LRRC49: variants seen among roughly 807,000 people sequenced by gnomAD.
LRRC49 encodes leucine rich repeat containing 49.
Under a neutral mutation model 83.3 loss-of-function variants are expected in LRRC49, and 50 were observed. The ratio of observed to expected loss-of-function variants is 0.60; its 90% confidence interval spans 0.48 to 0.76. The LOEUF (loss-of-function observed/expected upper bound fraction) is 0.76, where lower values mean the gene tolerates loss of function less well. Among genes scored for constraint, LRRC49 ranks in the 30% least tolerant of loss-of-function variants. LRRC49 has a pLI of 0.00. For synonymous variants in LRRC49, 286 were observed against 283.3 expected (o/e 1.01, Z -0.10); for missense variants, 704 against 809.1 (o/e 0.87, Z 1.58).
At position 71,012,872 on chromosome 15, in the gene LRRC49, GT is replaced by G; in HGVS notation, c.1664del (p.Leu555TyrfsTer6). On this transcript the variant is annotated frameshift_variant, in exon 14 of 16. Coordinates refer to ENST00000260382, the MANE Select transcript of LRRC49 (RefSeq NM_017691.5). LOFTEE classifies it high-confidence loss of function. ...GILAHVASSE[L>X]PQYRLISILG... The stretch of plus-strand genomic sequence containing the variant: ...TCCTAGCACATGTAGCATCTTCTGA[GT>G]TACCCCAGTATCGTCTGATTTCCAT... The G allele has an allele frequency of 6.2e-7, 1 of 1,613,156 alleles. No individual in the cohort carries two copies. Among genetic ancestry groups the G allele is most frequent in the Non-Finnish European group, 8.5e-7 (1 of 1,179,374 alleles).
chr15:70,917,884 C>G (rs191121467), intron 6 of LRRC49, among the ~76,000 whole-genome samples: 159 of 152,322 alleles, frequency 1.0e-3, no homozygotes, highest in African/African-American at 3.7e-3. Flanking sequence ...AGCTATAACA[C>G]AAACAGGGCT....
intron 2 of LRRC49, among the ~76,000 whole-genome samples, chr15:70,875,315 G>A (rs969807556): frequency 6.6e-6 from 1 of 152,140 alleles, no homozygotes; most frequent in African/African-American, 2.4e-5. Context: ...AAAGAGACTG[G>A]ACATAACTAA....
intron 8 of LRRC49, among the ~76,000 whole-genome samples, chr15:70,950,949 A>C (rs1195191407): frequency 6.6e-6 from 1 of 152,164 alleles, no homozygotes; most frequent in Non-Finnish European, 1.5e-5. Context: ...GGTGAGAGGA[A>C]GGGGTCTGGT....
chr15:70,894,509 T>G, intron 2 of LRRC49: 1 of 613,854 alleles, frequency 1.6e-6, no homozygotes, highest in Non-Finnish European at 2.4e-6. Flanking sequence ...ATTTCTGGCT[T>G]TTGATTTAAT....
At chr15:70,904,409 G>A (rs990127278) in intron 4 of LRRC49, 143 bp from the exon 5 acceptor site, 15 of 519,168 alleles carry the variant, frequency 2.9e-5, no homozygotes, top group African/African-American at 5.8e-5. Context: ...AATATAGGTC[G>A]CTTAGTTCAT....
At chr15:70,889,519 C>T (rs1047392725), upstream of LRRC49, among the ~76,000 whole-genome samples, 2 of 152,112 alleles carry the variant, frequency 1.3e-5, no homozygotes, top group East Asian at 1.9e-4. Context: ...GACTTGTCCA[C>T]TTAAGATTTG....
chr15:70,879,662 T>G (rs1222382256), intron 2 of LRRC49, among the ~76,000 whole-genome samples: 1 of 152,198 alleles, frequency 6.6e-6, no homozygotes, highest in Non-Finnish European at 1.5e-5. Flanking sequence ...TCCTCCCCTC[T>G]GGCTTCCTCT....
Position 70,989,125 on chromosome 15 carries a change from T to A in LRRC49, c.1169+4868T>A, listed in dbSNP as rs547799378. On this transcript the variant is annotated intron_variant, in intron 11 of 15. Coordinates refer to ENST00000260382, the MANE Select transcript of LRRC49 (RefSeq NM_017691.5). ...TAACAATTATGTGTCTTGGAGTTGC[T>A]CTTCTCGAGGAGTATCTTTGTGGCA... Among the ~76,000 whole-genome samples, 69 of 152,288 alleles carry A rather than the reference T, an allele frequency of 4.5e-4. No homozygotes were observed. In the South Asian group the frequency reaches 0.013, roughly 30 times the overall value.
In LRRC49 at chr15:70,963,194, C is replaced by T. The variant is rs180913556; in HGVS notation, c.774-591C>T. ...GGGTTGCTCAGGTGGGAGGATTGCT[C>T]GAGCCCAAGAGTTTGAGGTTAGGAT... On this transcript the variant is annotated intron_variant, in intron 8 of 15. Transcript: ENST00000260382. Among the ~76,000 whole-genome samples, 9 of 148,920 alleles carry T rather than the reference C, an allele frequency of 6.0e-5. No homozygotes were observed. The East Asian group carries it at 1.2e-3, about 20-fold the overall frequency.
chr15:70,990,434 G>A (rs1270386132), intron 11 of LRRC49, among the ~76,000 whole-genome samples: 6 of 152,326 alleles, frequency 3.9e-5, no homozygotes, highest in East Asian at 1.9e-4. Context: ...AGGACCCTCC[G>A]AGCCAGGTGC....
intron 11 of LRRC49, among the ~76,000 whole-genome samples, chr15:71,001,731 C>T (rs894156967): frequency 2.0e-5 from 3 of 151,924 alleles, no homozygotes; most frequent in Admixed American, 1.3e-4. Context: ...ACGCTCTGTC[C>T]CCCAGGCTGG....
At chr15:70,890,185 T>G (rs898389626), upstream of LRRC49, among the ~76,000 whole-genome samples, 3 of 152,220 alleles carry the variant, frequency 2.0e-5, no homozygotes, top group South Asian at 2.1e-4. Flanking sequence ...TGTGTAATTA[T>G]GAAGAAGAAA....
chr15:70,881,165 G>A (rs1388111025), intron 2 of LRRC49, among the ~76,000 whole-genome samples: 1 of 152,174 alleles, frequency 6.6e-6, no homozygotes, highest in East Asian at 1.9e-4. Flanking sequence ...GGAGTTTGAG[G>A]TTACAATGAG....
chr15:70,895,008 G>T (rs141025843), intron 2 of LRRC49, among the ~76,000 whole-genome samples: 11 of 152,224 alleles, frequency 7.2e-5, no homozygotes, highest in African/African-American at 2.4e-4. Flanking sequence ...TTCTAGAGCT[G>T]TGTGCCTCAT....
chr15:70,975,602 A>G lies in LRRC49; in HGVS notation c.922-4499A>G, dbSNP rs191300010. Among the ~76,000 whole-genome samples, 937 of 152,248 alleles carry G rather than the reference A, an allele frequency of 6.2e-3. 6 individuals carry two copies. Among genetic ancestry groups the G allele is most frequent in the Non-Finnish European group, 9.8e-3 (666 of 68,012 alleles). ...CAGAGACTTGGGGGACTGAGGCAGG[A>G]GGATCGCTTGAACCCAGGAGGTCAA... On this transcript the variant is annotated intron_variant, in intron 9 of 15. Transcript: ENST00000260382.
intron 8 of LRRC49, among the ~76,000 whole-genome samples, chr15:70,946,447 T>C (rs2036010920): frequency 6.6e-6 from 1 of 152,180 alleles, no homozygotes; most frequent in Non-Finnish European, 1.5e-5. Flanking sequence ...CTAAATTGTA[T>C]TCCACTGTGC....
intron 7 of LRRC49, among the ~76,000 whole-genome samples, chr15:70,924,463 A>C (rs1290105396): frequency 6.6e-6 from 1 of 151,878 alleles, no homozygotes; most frequent in Non-Finnish European, 1.5e-5. Flanking sequence ...TACTCTTAGC[A>C]TTTTAAAATA....
chr15:70,980,531 G>T (rs752895088), intron 10 of LRRC49, among the ~76,000 whole-genome samples: 64 of 149,664 alleles, frequency 4.3e-4, no homozygotes, highest in Non-Finnish European at 7.5e-4. Context: ...TACTGTAATT[G>T]ACTGTCATCT....
At chr15:70,946,123 C>A (rs992118233) in intron 8 of LRRC49, among the ~76,000 whole-genome samples, 1 of 151,974 alleles carries the variant, frequency 6.6e-6, no homozygotes, top group Non-Finnish European at 1.5e-5. Context: ...TATTAAAGAA[C>A]ATTTAAAGTC....
Sources: gnomAD v4.1 joint callset for allele counts (sites outside exome capture counted in the v4.1 genomes callset) on GRCh38, gnomAD v4.1.1 for gene constraint, MANE v1.5 for transcripts, NCBI Gene and HGNC (gene_info 2026-07-23, HGNC 2026-07-21) for gene names.